Variants in CCDC78 observed in about 807,000 individuals in gnomAD.
CCDC78 encodes coiled-coil domain-containing protein 78.
Under a neutral mutation model 61.9 loss-of-function variants are expected in CCDC78, and 78 were observed. That is an observed-to-expected ratio of 1.26 (90% CI 1.05 to 1.52). The LOEUF is 1.52. Among genes scored for constraint, CCDC78 ranks in the 40% most tolerant of loss-of-function variants. The pLI, the probability that CCDC78 is intolerant of heterozygous loss-of-function variation, is 0.00. For missense variants in CCDC78, 737 were observed against 615.5 expected, an observed-to-expected ratio of 1.20 and a Z score of -2.09; for synonymous variants, 287 against 251.9, an observed-to-expected ratio of 1.14 and a Z score of -1.32.
At chr16:726,490 T>G, upstream of CCDC78, 8 of 1,261,130 alleles carry the variant, frequency 6.3e-6, no homozygotes, top group South Asian at 7.3e-5. Context: ...CCCAGGTGAC[T>G]CCCAGGGCAC....
chr16:725,663 G>A, intron 3 of CCDC78, 83 bp from the exon 4 acceptor site: 8 of 1,579,104 alleles, frequency 5.1e-6, no homozygotes, highest in Non-Finnish European at 6.9e-6. Context: ...CACGCTCAGG[G>A]GCGCGCAGCA....
Position 723,008 on chromosome 16 carries a change from C to T in CCDC78, c.1215G>A (p.Arg405=). 6.2e-7 allele frequency: 1 copy of T among 1,612,524 alleles called. No individual in the cohort carries two copies. The change falls in exon 13 of 14, where the codon CGG becomes CGA. Residue 405 remains arginine (R), a synonymous_variant. Coordinates refer to ENST00000345165, the MANE Select transcript of CCDC78 (RefSeq NM_001378030.1). ...FSRSTQAELE[R]ERAQLLVRAT... ...CCCGGACCAGCAGCTGTGCCCGCTC[C>T]CGTTCCAGCTCTGCCTGGCATGGGG...
Position 723,895 on chromosome 16 carries a change from T to C in CCDC78, c.1095A>G (p.Arg365=). ...PGALLSSPKK[R]PGGASQGGTS... ...TTCCCCCCTGGGAGGCTCCACCGGG[T>C]CTCTTTTTTGGGGATGAGAGCAGTG... Residue 365 remains arginine, a synonymous_variant, in exon 11 of 14, where the codon AGA becomes AGG. Transcript: ENST00000345165. The C allele has an allele frequency of 6.9e-6, 11 of 1,600,248 alleles. No homozygotes were observed. Among genetic ancestry groups the C allele is most frequent in the Non-Finnish European group, 9.4e-6 (11 of 1,173,744 alleles).
At chr16:726,614 C>A (rs79067232), upstream of CCDC78, 9,546 of 570,070 alleles carry the variant, frequency 0.017, 732 homozygotes, top group African/African-American at 0.17. Flanking sequence ...CCTGCACATA[C>A]CCTGTGCAGA....
rs145971446 is a variant in CCDC78 at position 723,887 on chromosome 16, C to T, written c.1103G>A (p.Gly368Glu). 98 of 1,598,742 alleles carry T rather than the reference C, an allele frequency of 6.1e-5. No homozygotes were observed. In the Admixed American group the frequency reaches 7.6e-4, roughly 12 times the overall value. ...CTCTGATGTTCCCCCCTGGGAGGCT[C>T]CACCGGGTCTCTTTTTTGGGGATGA... ...LLSSPKKRPG[G>E]ASQGGTSEPQ... is the part of the protein sequence containing the mutation. The change falls in exon 11 of 14, where the codon GGA becomes GAA. Residue 368 changes from glycine (G) to glutamate (E), a missense_variant. By Grantham distance (98) the Gly-to-Glu change is moderately conservative. Transcript: ENST00000345165.
In CCDC78 at chr16:725,441, G is replaced by A. The variant is rs1446432702; in HGVS notation, c.407C>T (p.Pro136Leu). ...GAATCTGTGGTCATCAGAGTGTCCAGGCACCTGGGCTTTGTGTCTGAGCTC... is the reference window on the plus strand; with the variant it reads ...GAATCTGTGGTCATCAGAGTGTCCAAGCACCTGGGCTTTGTGTCTGAGCTC... ...AQELRHKAQV[P>L]GHSDDHRFQV... The change falls in exon 4 of 14, where the codon CCT (proline) becomes CTT (leucine). Residue 136 changes from proline to leucine, a missense_variant. Pro to Leu is a moderately conservative substitution (Grantham distance 98). Transcript: ENST00000345165. 1.2e-6 allele frequency: 2 copies of A among 1,612,768 alleles called. No homozygotes were observed. The highest frequency in any genetic ancestry group is 1.7e-5 in the Admixed American group (1 of 60,020).
In CCDC78 at chr16:725,974, G is replaced by A; in HGVS notation, c.172C>T (p.Gln58Ter). The stretch of plus-strand genomic sequence containing the variant: ...TGGGGCCCCACACCCACCTGCAGCT[G>A]CTGCTCCTTATTGAGCGCTAGATCT... Reference protein sequence around the residue: ...PPDLALNKEQQLQISKELVDI... With the variant: ...PPDLALNKEQ Residue 58 changes from glutamine to a stop codon, truncating the protein, a stop_gained, in exon 2 of 14, where the codon CAG (glutamine) becomes TAG (stop). Transcript: ENST00000345165. LOFTEE classifies it high-confidence loss of function. 1 of 1,554,964 alleles carries A rather than the reference G, an allele frequency of 6.4e-7. No homozygotes were observed.
intron 2 of CCDC78, 31 bp downstream of exon 2, chr16:725,935 C>T (rs1351919901): frequency 5.7e-6 from 9 of 1,576,300 alleles, no homozygotes; most frequent in Non-Finnish European, 7.8e-6. Context: ...CACCCTCCCT[C>T]CTCACGAGCA....
In CCDC78 at chr16:725,845, G is replaced by T; in HGVS notation, c.216C>A (p.Thr72=). 6.2e-7 allele frequency: 1 copy of T among 1,611,638 alleles called. No homozygotes were observed. ...CCTCATGCTGCTCATGTAGGTGGTG[G>T]GTTGTGATCTGAATGTCGACCAGCT... ...SKELVDIQIT[T]HHLHEQHEAE... The change falls in exon 3 of 14, where the codon ACC becomes ACA. Residue 72 remains threonine (T), a synonymous_variant. Coordinates refer to ENST00000345165, the MANE Select transcript of CCDC78 (RefSeq NM_001378030.1).
rs1280041013 is a variant in CCDC78 at position 724,810 on chromosome 16, G to A, written c.640-4C>T. ...GGCCTTGGCAGCTGCACAGCACCTGGGGTGGAAGCAGCCCTCCACCTGTGC... is the reference window on the plus strand; with the variant it reads ...GGCCTTGGCAGCTGCACAGCACCTGAGGTGGAAGCAGCCCTCCACCTGTGC... On this transcript the variant is annotated splice_polypyrimidine_tract_variant and splice_region_variant and intron_variant, in intron 7 of 13. Coordinates refer to ENST00000345165, the MANE Select transcript of CCDC78 (RefSeq NM_001378030.1). 6.2e-7 allele frequency: 1 copy of A among 1,611,928 alleles called. No individual in the cohort carries two copies. Among genetic ancestry groups the A allele is most frequent in the Admixed American group, 1.7e-5 (1 of 59,964 alleles).
In CCDC78 at chr16:725,202, G is replaced by T. The variant is rs192875003; in HGVS notation, c.492+35C>A. ...CCCTAGGCTTGGGGTCTCTGGTGCT[G>T]CCCTCTCCCCTGAGCTAGGTGGCTG... On this transcript the variant is annotated intron_variant, in intron 5 of 13. Transcript: ENST00000345165. 7.4e-6 allele frequency: 12 copies of T among 1,611,004 alleles called. No homozygotes were observed. The African/African-American group carries it at 1.5e-4, about 20-fold the overall frequency.
intron 11 of CCDC78, 144 bp downstream of exon 11, chr16:723,713 G>A (rs2151545884): frequency 1.3e-6 from 1 of 754,512 alleles, no homozygotes; most frequent in East Asian, 2.7e-5. Context: ...GGACCCCAGG[G>A]TGGGGATGTG....
Position 722,619 on chromosome 16 carries a change from G to GT in CCDC78, c.*58dup. The GT allele has an allele frequency of 3.2e-6, 5 of 1,578,642 alleles. No homozygotes were observed. Among genetic ancestry groups the GT allele is most frequent in the Non-Finnish European group, 4.3e-6 (5 of 1,161,684 alleles). On this transcript the variant is annotated 3_prime_UTR_variant, in exon 14 of 14. Transcript: ENST00000345165. ...TGACTCATGTTTTATGGGGGGCTGG[G>GT]TGGGAGGGTTCTGTGCTGGCTGAGG...
chr16:726,474 G>T, upstream of CCDC78: 1 of 1,395,750 alleles, frequency 7.2e-7, no homozygotes, highest in Non-Finnish European at 9.5e-7. Flanking sequence ...CAAGGCCTCT[G>T]TTGGTCCCAG....
At chr16:725,187 G>A in intron 5 of CCDC78, 42 bp from the exon 6 acceptor site, 3 of 1,611,752 alleles carry the variant, frequency 1.9e-6, no homozygotes, top group Non-Finnish European at 2.5e-6. Flanking sequence ...CCCTAGGCTT[G>A]GGGTCTCTGG....
At position 726,103 on chromosome 16, in the gene CCDC78, C is replaced by T. The variant is rs1208276779; in HGVS notation, c.61-18G>A. On this transcript the variant is annotated intron_variant, in intron 1 of 13. Coordinates refer to ENST00000345165, the MANE Select transcript of CCDC78 (RefSeq NM_001378030.1). The stretch of plus-strand genomic sequence containing the variant: ...AGCACAACCTGGGGAGGTACCGCCA[C>T]CCATTCCCCAGGTGGGTCCCAGGCT... The T allele has an allele frequency of 6.5e-7, 1 of 1,549,284 alleles. No individual in the cohort carries two copies. The highest frequency in any genetic ancestry group is 1.4e-5 in the African/African-American group (1 of 73,130).
upstream of CCDC78, chr16:726,768 G>A (rs200662841): frequency 5.3e-5 from 15 of 280,750 alleles, no homozygotes; most frequent in East Asian, 1.3e-3. Flanking sequence ...GCCCCGGGAC[G>A]GGGGAAGTAT....
In CCDC78 at chr16:724,637, AG is replaced by A. The variant is rs761683637; in HGVS notation, c.765+43del. The stretch of plus-strand genomic sequence containing the variant: ...TGAAGCTATCCAGCACACCCAGGCC[AG>A]GCTTGGGCTCCCTAGGCCTCAGGGT... On this transcript the variant is annotated intron_variant, in intron 8 of 13. Transcript: ENST00000345165. 1.3e-5 allele frequency: 20 copies of A among 1,594,970 alleles called. No individual in the cohort carries two copies. In the South Asian group the frequency reaches 2.1e-4, roughly 17 times the overall value.
chr16:726,632 A>T, upstream of CCDC78: 1 of 535,256 alleles, frequency 1.9e-6, no homozygotes. Flanking sequence ...AGATGGAACC[A>T]GGTGCGTGAA....
Sources: allele counts gnomAD v4.1 joint callset, GRCh38; gene constraint gnomAD v4.1.1; transcripts MANE v1.5; gene names NCBI Gene and HGNC (gene_info 2026-07-23, HGNC 2026-07-21).